POLH: variants seen among roughly 807,000 people sequenced by gnomAD.
POLH encodes DNA polymerase eta transcript.
In POLH, 53 loss-of-function variants were observed where a neutral mutation model predicts 73.6. The observed-to-expected ratio is 0.72, with a 90% CI of 0.58 to 0.91. The LOEUF is 0.91. POLH is among the 40% of genes least tolerant of loss of function. The probability of loss-of-function intolerance (pLI) is 0.00; values close to 1 mark genes in which losing one functional copy is unlikely to be tolerated. For missense variants in POLH, 768 were observed against 865.4 expected (o/e 0.89, Z 1.41); for synonymous variants, 292 against 308.5 (o/e 0.95, Z 0.56).
chr6:43,584,548 C>T (rs1428010407), intron 3 of POLH, among the ~76,000 whole-genome samples: 1 of 152,184 alleles, frequency 6.6e-6, no homozygotes, highest in Admixed American at 6.5e-5. Flanking sequence ...ACATCTGTGA[C>T]CAAAGGTGTG....
chr6:43,613,093 C>T (rs193077795), intron 10 of POLH, among the ~76,000 whole-genome samples: 5 of 152,214 alleles, frequency 3.3e-5, no homozygotes, highest in South Asian at 2.1e-4. Context: ...CCACCGCTCC[C>T]GGCTATCACA....
At chr6:43,611,223 C>T (rs1291216464) in intron 10 of POLH, among the ~76,000 whole-genome samples, 1 of 152,184 alleles carries the variant, frequency 6.6e-6, no homozygotes, top group Non-Finnish European at 1.5e-5. Flanking sequence ...GAGGTTAGAC[C>T]CTTACTCTGT....
At chr6:43,605,341 C>T in intron 9 of POLH, 22 bp downstream of exon 9, 1 of 1,400,074 alleles carries the variant, frequency 7.1e-7, no homozygotes, top group Non-Finnish European at 1.0e-6. Flanking sequence ...TTTCTTTATT[C>T]CTGGGGTGGG....
intron 6 of POLH, among the ~76,000 whole-genome samples, chr6:43,602,054 G>A (rs542213625): frequency 3.9e-5 from 6 of 152,264 alleles, no homozygotes; most frequent in South Asian, 2.1e-4. Flanking sequence ...GCAAGACTCC[G>A]TCTTAAAAAT....
intron 3 of POLH, among the ~76,000 whole-genome samples, chr6:43,586,340 G>A (rs1235937970): frequency 1.3e-5 from 2 of 152,078 alleles, no homozygotes; most frequent in African/African-American, 4.8e-5. Context: ...AATTCACCAG[G>A]CGTGGTGGCA....
intron 3 of POLH, among the ~76,000 whole-genome samples, chr6:43,584,544 G>C (rs1764602612): frequency 6.6e-6 from 1 of 152,170 alleles, no homozygotes; most frequent in African/African-American, 2.4e-5. Flanking sequence ...GAAGACATCT[G>C]TGACCAAAGG....
In POLH at chr6:43,583,592, G is replaced by A. The variant is rs189113561; in HGVS notation, c.272+451G>A. On this transcript the variant is annotated intron_variant, in intron 3 of 10. Transcript: ENST00000372236. ...TGTTTTTAGATTAAGCTATCTCTCC[G>A]CAAATATTAGAAGTTTCACCTTGGA... Among the ~76,000 whole-genome samples, 116 of 152,188 alleles carry A rather than the reference G, an allele frequency of 7.6e-4. 1 individual carries two copies. Among genetic ancestry groups the A allele is most frequent in the African/African-American group, 2.6e-3 (108 of 41,516 alleles).
At chr6:43,585,034 C>T (rs1764650147) in intron 3 of POLH, among the ~76,000 whole-genome samples, 4 of 152,114 alleles carry the variant, frequency 2.6e-5, no homozygotes. Context: ...TGTTGTGCAG[C>T]TCTAGTTCCA....
rs1199606421 is a variant in POLH, at chr6:43,614,429, C to T, written c.2014C>T (p.Gln672Ter). The part of the protein sequence containing the change: ...SFLQPHSSNP[Q>*]VVSAVSHQGK... ...TTTGCAGCCCCACTCTTCAAACCCC[C>T]AGGTTGTTTCTGCCGTATCTCATCA... Residue 672 changes from glutamine (Q) to a stop codon, truncating the protein, a stop_gained, in exon 11 of 11, where the codon CAG becomes TAG. Transcript: ENST00000372236. LOFTEE classifies it high-confidence loss of function. 3 of 1,614,068 alleles carry T rather than the reference C, an allele frequency of 1.9e-6. No homozygotes were observed. Among genetic ancestry groups the T allele is most frequent in the Non-Finnish European group, 2.5e-6 (3 of 1,180,048 alleles).
At chr6:43,593,227 A>G (rs1216176060) in intron 4 of POLH, among the ~76,000 whole-genome samples, 1 of 152,200 alleles carries the variant, frequency 6.6e-6, no homozygotes. Context: ...AGATTATACT[A>G]TCCTCATGTA....
At chr6:43,590,217 G>A (rs1027936726) in intron 4 of POLH, among the ~76,000 whole-genome samples, 12 of 151,862 alleles carry the variant, frequency 7.9e-5, no homozygotes, top group African/African-American at 2.9e-4. Flanking sequence ...AAACTAGCTG[G>A]GCATGGTAGC....
At chr6:43,605,446 T>TA in intron 9 of POLH, 127 bp downstream of exon 9, 2 of 309,206 alleles carry the variant, frequency 6.5e-6, no homozygotes, top group African/African-American at 2.5e-5. Flanking sequence ...TTTCTTTCTT[T>TA]TTTTTTTTTT....
At chr6:43,579,444 G>C (rs905203366) in intron 1 of POLH, among the ~76,000 whole-genome samples, 2 of 152,226 alleles carry the variant, frequency 1.3e-5, no homozygotes, top group Non-Finnish European at 2.9e-5. Flanking sequence ...AAGAGGAGAG[G>C]GTTCGAAGAG....
rs141214872 is a variant in POLH at position 43,589,240 on chromosome 6, G to A, written c.490+1751G>A. Among the ~76,000 whole-genome samples, 22 of 152,238 alleles carry A rather than the reference G, an allele frequency of 1.4e-4. 1 individual carries two copies. The highest frequency in any genetic ancestry group is 3.4e-3 in the Middle Eastern group (1 of 294). ...GGCTTCGATGGCTGTTACTTGCAGC[G>A]TAATCCATGATATGGATCCACCATG... On this transcript the variant is annotated intron_variant, in intron 4 of 10. Coordinates refer to ENST00000372236, the MANE Select transcript of POLH (RefSeq NM_006502.3).
At chr6:43,590,604 C>T (rs182371453) in intron 4 of POLH, among the ~76,000 whole-genome samples, 1 of 150,836 alleles carries the variant, frequency 6.6e-6, no homozygotes, top group African/African-American at 2.4e-5. Flanking sequence ...TCAGTTGTAT[C>T]CCCCCAGAGC....
chr6:43,594,686 G>A (rs925353598), intron 4 of POLH, among the ~76,000 whole-genome samples: 1 of 151,928 alleles, frequency 6.6e-6, no homozygotes, highest in Non-Finnish European at 1.5e-5. Flanking sequence ...GAGCAACTCC[G>A]TCTCAAAAAA....
chr6:43,580,737 CG>C (rs1472364932), intron 1 of POLH, among the ~76,000 whole-genome samples: 1 of 135,464 alleles, frequency 7.4e-6, no homozygotes, highest in Non-Finnish European at 1.6e-5. Flanking sequence ...ACCTCCCTCC[CG>C]GACGGGGCGG....
rs371765184 is a variant in POLH, at chr6:43,585,446, G to A, written c.273-1826G>A. ...AGTCCCAACCCTCTAATTATGCCGT[G>A]GTCTTTTTGGTGACCTGCCCTATCC... is the stretch of plus-strand genomic sequence containing the variant. On this transcript the variant is annotated intron_variant, in intron 3 of 10. Transcript: ENST00000372236. Among the ~76,000 whole-genome samples the A allele has an allele frequency of 3.9e-4, 60 of 151,990 alleles. No homozygotes were observed. In the East Asian group the frequency reaches 7.5e-3, roughly 19 times the overall value.
At position 43,616,057 on chromosome 6, in the gene POLH, G is replaced by A. The variant is rs1768305990; in HGVS notation, c.*1500G>A. On this transcript the variant is annotated 3_prime_UTR_variant, in exon 11 of 11. Coordinates refer to ENST00000372236, the MANE Select transcript of POLH (RefSeq NM_006502.3). ...CAATCCCAGCACTTTGGGAGGCCGAGGCGGGCGGATCACAAGGTCAGGAGA... is the reference window on the plus strand; with the variant it reads ...CAATCCCAGCACTTTGGGAGGCCGAAGCGGGCGGATCACAAGGTCAGGAGA... Among the ~76,000 whole-genome samples the A allele has an allele frequency of 6.6e-6, 1 of 152,112 alleles. No homozygotes were observed. The highest frequency in any genetic ancestry group is 2.1e-4 in the South Asian group (1 of 4,828).
Sources: gnomAD v4.1 joint callset for allele counts (sites outside exome capture counted in the v4.1 genomes callset) on GRCh38, gnomAD v4.1.1 for gene constraint, MANE v1.5 for transcripts, NCBI Gene and HGNC (gene_info 2026-07-23, HGNC 2026-07-21) for gene names.